The following ACADSB variants were observed in gnomAD, a reference collection of about 807,000 sequenced individuals.
ACADSB encodes the protein short/branched chain specific acyl-CoA dehydrogenase, mitochondrial.
Under a neutral mutation model 54.1 loss-of-function variants are expected in ACADSB, and 40 were observed. The ratio of observed to expected loss-of-function variants is 0.74; its 90% CI spans 0.57 to 0.96. ACADSB has a LOEUF of 0.96. Among genes scored for constraint, ACADSB ranks in the 40% least tolerant of loss-of-function variants. The pLI, the probability that ACADSB is intolerant of heterozygous loss-of-function variation, is 0.00. For synonymous variants in ACADSB, 182 were observed against 182.8 expected, an observed-to-expected ratio of 1.00 and a Z score of 0.03; for missense variants, 530 against 510.4, an observed-to-expected ratio of 1.04 and a Z score of -0.37.
intron 1 of ACADSB, among the ~76,000 whole-genome samples, chr10:123,032,022 C>G (rs760825986): frequency 1.3e-5 from 2 of 151,798 alleles, no homozygotes; most frequent in Non-Finnish European, 2.9e-5. Context: ...CTTTGTCGCC[C>G]AGGCTGGAGT....
At chr10:123,048,829 C>T (rs1850593046) in intron 8 of ACADSB, among the ~76,000 whole-genome samples, 3 of 152,014 alleles carry the variant, frequency 2.0e-5, no homozygotes, top group Non-Finnish European at 4.4e-5. Flanking sequence ...CCCAGGTTCA[C>T]ACCATTCTCC....
chr10:123,043,448 A>G (rs1250686318), intron 6 of ACADSB, among the ~76,000 whole-genome samples: 1 of 152,236 alleles, frequency 6.6e-6, no homozygotes, highest in African/African-American at 2.4e-5. Context: ...GACCACGTAT[A>G]CTTTATAAGC....
rs1435395035 is a variant in ACADSB, at chr10:123,057,069, G to A, written c.*3304G>A. The A allele has an allele frequency of 6.6e-6, 1 of 152,614 alleles. No homozygotes were observed. The highest frequency in any genetic ancestry group is 1.9e-4 in the East Asian group (1 of 5,190). The allele number at this position is 152,614 out of a possible 1,614,324, so 9.5% of individuals were successfully genotyped here. A position where few individuals can be genotyped will look rare whatever the true frequency, so the allele number is the denominator to read the frequency against. ...GATGAAATGCCCTACAGGGGCCTTGGACATCTTTAATTTCTGCGATTATGT... is the reference window on the plus strand; with the variant it reads ...GATGAAATGCCCTACAGGGGCCTTGAACATCTTTAATTTCTGCGATTATGT... On this transcript the variant is annotated 3_prime_UTR_variant, in exon 11 of 11. Coordinates refer to ENST00000358776, the MANE Select transcript of ACADSB (RefSeq NM_001609.4).
In ACADSB at chr10:123,041,240, C is replaced by G. The variant is rs1266165912; in HGVS notation, c.542C>G (p.Ala181Gly). 6.2e-7 allele frequency: 1 copy of G among 1,614,100 alleles called. No homozygotes were observed. Among genetic ancestry groups the G allele is most frequent in the Non-Finnish European group, 8.5e-7 (1 of 1,180,018 alleles). The change falls in exon 5 of 11, where the codon GCA becomes GGA. Residue 181 changes from alanine to glycine, a missense_variant. Coordinates refer to ENST00000358776, the MANE Select transcript of ACADSB (RefSeq NM_001609.4). ...AGTTTCTGCCTTTCAGAGGCTGGAG[C>G]AGGTAGTGACTCATTTGCTTTGAAG... ...VGSFCLSEAG[A>G]GSDSFALKTR...
intron 1 of ACADSB, among the ~76,000 whole-genome samples, chr10:123,033,843 G>C (rs140168655): frequency 2.6e-5 from 4 of 152,038 alleles, no homozygotes; most frequent in Admixed American, 6.6e-5. Flanking sequence ...CCTGTAAGAT[G>C]CTGAAAAAAA....
chr10:123,037,847 G>T lies in ACADSB; in HGVS notation c.303G>T (p.Gly101=). Residue 101 remains glycine, a splice_region_variant and synonymous_variant, in exon 3 of 11, where the codon GGG becomes GGT. Transcript: ENST00000358776. ...TAATACAAGGATTATTTCAACAAGGGGTACATTTCATAATTCTTCCACTTT... is the reference window on the plus strand; with the variant it reads ...TAATACAAGGATTATTTCAACAAGGTGTACATTTCATAATTCTTCCACTTT... ...KSVIQGLFQQ[G]LMGIEVDPEY... The T allele has an allele frequency of 6.4e-7, 1 of 1,561,250 alleles. No individual in the cohort carries two copies. The highest frequency in any genetic ancestry group is 8.8e-7 in the Non-Finnish European group (1 of 1,132,316).
At chr10:123,010,717 G>C (rs530139692) in intron 1 of ACADSB, among the ~76,000 whole-genome samples, 11 of 152,306 alleles carry the variant, frequency 7.2e-5, no homozygotes, top group African/African-American at 1.9e-4. Flanking sequence ...AATGTAGTCA[G>C]CTCTCGGTAA....
intron 1 of ACADSB, among the ~76,000 whole-genome samples, chr10:123,032,186 G>A (rs1255737551): frequency 1.3e-5 from 2 of 151,934 alleles, no homozygotes; most frequent in African/African-American, 4.8e-5. Context: ...TCACCATCTT[G>A]GCCAGGGTGG....
Position 123,052,272 on chromosome 10 carries a change from G to A in ACADSB, c.1129-789G>A, listed in dbSNP as rs1041220019. ...TGGGTCTCACTGGAATACAGGGGCT[G>A]CCTTTCTGTGGTTCTGGCAGACAGT... On this transcript the variant is annotated intron_variant, in intron 9 of 10. Coordinates refer to ENST00000358776, the MANE Select transcript of ACADSB (RefSeq NM_001609.4). This position sits in a 1 kb window ranked among gnomAD's most constrained non-coding sequence, Gnocchi z 4.2. Among the ~76,000 whole-genome samples, 2 of 152,234 alleles carry A rather than the reference G, an allele frequency of 1.3e-5. No homozygotes were observed. The highest frequency in any genetic ancestry group is 2.4e-5 in the African/African-American group (1 of 41,472).
intron 5 of ACADSB, among the ~76,000 whole-genome samples, chr10:123,041,609 C>G (rs1850474990): frequency 6.6e-6 from 1 of 152,052 alleles, no homozygotes; most frequent in Non-Finnish European, 1.5e-5. Flanking sequence ...GTGGATTCAA[C>G]CAACTCTGGA....
chr10:123,047,299 GTATGTAAT>G lies in ACADSB; in HGVS notation c.990+5_990+12del. On this transcript the variant is annotated splice_donor_variant and splice_donor_5th_base_variant and intron_variant, in intron 8 of 10. Coordinates refer to ENST00000358776, the MANE Select transcript of ACADSB (RefSeq NM_001609.4). LOFTEE classifies it high-confidence loss of function. ...TGGCAAAAGACTATTTGATTTTCAG[GTATGTAAT>G]TATTAGGGTCTTTCTGCTGTGTTAG... 1.9e-5 allele frequency: 29 copies of G among 1,558,404 alleles called. No homozygotes were observed. The highest frequency in any genetic ancestry group is 2.6e-5 in the Non-Finnish European group (29 of 1,129,260).
chr10:123,022,150 C>T (rs1489879297), intron 1 of ACADSB, among the ~76,000 whole-genome samples: 3 of 152,208 alleles, frequency 2.0e-5, no homozygotes, highest in Admixed American at 6.5e-5. Flanking sequence ...TTTAAATCTC[C>T]TATTACCCAA....
chr10:123,031,295 G>A (rs567379723), intron 1 of ACADSB, among the ~76,000 whole-genome samples: 24 of 152,288 alleles, frequency 1.6e-4, no homozygotes, highest in Non-Finnish European at 3.2e-4. Flanking sequence ...TTCTGTCCAC[G>A]AGGCCCAGAT....
At chr10:123,028,322 A>C (rs77790443) in intron 1 of ACADSB, among the ~76,000 whole-genome samples, 2,025 of 152,330 alleles carry the variant, frequency 0.013, 48 homozygotes, top group African/African-American at 0.044. Flanking sequence ...TACTAAACAC[A>C]TTATCTAAAA....
rs200524410 is a variant in ACADSB at position 123,053,750 on chromosome 10, C to T, written c.1284C>T (p.Ile428=). ...AGTTGAACACCATTGCAAAGCATAT[C>T]GATGCAGAATACTGACGTCTATAGG... The part of the protein sequence containing the change: ...NIQLNTIAKH[I]DAEY The change falls in exon 11 of 11, where the codon ATC becomes ATT. Residue 428 remains isoleucine (I), a synonymous_variant. Transcript: ENST00000358776. The T allele has an allele frequency of 2.5e-6, 4 of 1,613,798 alleles. No individual in the cohort carries two copies. Among genetic ancestry groups the T allele is most frequent in the East Asian group, 4.5e-5 (2 of 44,886 alleles).
chr10:123,010,468 G>A (rs892456554), intron 1 of ACADSB, among the ~76,000 whole-genome samples: 3 of 152,164 alleles, frequency 2.0e-5, no homozygotes, highest in Non-Finnish European at 4.4e-5. Flanking sequence ...ACATAAATTA[G>A]CTAAATTGAT....
chr10:123,018,035 G>A (rs1850130600), intron 1 of ACADSB, among the ~76,000 whole-genome samples: 1 of 152,106 alleles, frequency 6.6e-6, no homozygotes, highest in African/African-American at 2.4e-5. Flanking sequence ...TGCTGGTGAG[G>A]TATAATGAGG....
Position 123,043,098 on chromosome 10 carries a change from A to G in ACADSB, c.734A>G (p.His245Arg). The change falls in exon 6 of 11, where the codon CAT becomes CGT. Residue 245 changes from histidine to arginine, a missense_variant. By Grantham distance (29) the His-to-Arg change is conservative. Coordinates refer to ENST00000358776, the MANE Select transcript of ACADSB (RefSeq NM_001609.4). ...GTAGATCGTGATACTCCGGGCCTTC[A>G]TATAGGGAAACCTGAAAACAAATTG... ...FLVDRDTPGLHIGKPENKLGL... is the reference protein window; with the variant it reads ...FLVDRDTPGLRIGKPENKLGL... 6.2e-7 allele frequency: 1 copy of G among 1,614,032 alleles called. No homozygotes were observed. The highest frequency in any genetic ancestry group is 8.5e-7 in the Non-Finnish European group (1 of 1,179,900).
At chr10:123,030,217 C>T (rs773945103) in intron 1 of ACADSB, among the ~76,000 whole-genome samples, 4 of 152,068 alleles carry the variant, frequency 2.6e-5, no homozygotes, top group Non-Finnish European at 5.9e-5. Context: ...ATACTCAACC[C>T]ACAGAGTATA....
Sources: allele counts gnomAD v4.1 joint callset (sites outside exome capture counted in the v4.1 genomes callset), GRCh38; gene constraint gnomAD v4.1.1; non-coding constraint Gnocchi (gnomAD v3.1); transcripts MANE v1.5; gene names NCBI Gene and HGNC (gene_info 2026-07-23, HGNC 2026-07-21).